The following PDE3A variants were observed in gnomAD, a reference collection of about 807,000 sequenced individuals.
PDE3A encodes cGMP-inhibited 3',5'-cyclic phosphodiesterase 3A.
In PDE3A, 43 loss-of-function variants were observed where a neutral mutation model predicts 98.3. The observed-to-expected ratio is 0.44, with a 90% confidence interval of 0.34 to 0.56. The LOEUF is 0.56. Ranked by LOEUF, PDE3A falls within the 20% of genes least tolerant of loss-of-function variation. The pLI is 0.01. For synonymous variants in PDE3A, 663 were observed against 567.9 expected (o/e 1.17, Z -2.38); for missense variants, 1,427 against 1,440.7 (o/e 0.99, Z 0.15).
At chr12:20,521,274 A>C (rs1946420223) in intron 1 of PDE3A, among the ~76,000 whole-genome samples, 1 of 152,042 alleles carries the variant, frequency 6.6e-6, no homozygotes, top group African/African-American at 2.4e-5. Flanking sequence ...AGGAACTTCT[A>C]CACAATCTAG....
intron 15 of PDE3A, among the ~76,000 whole-genome samples, chr12:20,677,569 C>T (rs1945673574): frequency 2.0e-5 from 3 of 152,090 alleles, no homozygotes; most frequent in Non-Finnish European, 4.4e-5. Context: ...AAGCAATTCT[C>T]CTGCCTCAGC....
At position 20,646,818 on chromosome 12, in the gene PDE3A, T is replaced by A. The variant is rs766413456; in HGVS notation, c.2433T>A (p.Asp811Glu). Residue 811 changes from aspartate (D) to glutamate (E), a missense_variant, in exon 12 of 16, where the codon GAT becomes GAA. Physicochemically the swap from Asp to Glu is conservative, Grantham distance 45. Around this residue, in one of 3 missense-constraint regions of PDE3A, gnomAD observed 273 missense variants for 420.3 expected, o/e 0.65. Coordinates refer to ENST00000359062, the MANE Select transcript of PDE3A (RefSeq NM_000921.5). ...TCTCAAAAACGTATAATGTGACAGA[T>A]GATAAATACGGATGTCTGTCTGGGA... The part of the protein sequence containing the change: ...YVFSKTYNVT[D>E]DKYGCLSGNI... 3.7e-6 allele frequency: 6 copies of A among 1,611,124 alleles called. No homozygotes were observed. In the East Asian group the frequency reaches 1.1e-4, roughly 30 times the overall value.
At chr12:20,581,384 C>T (rs1401295018) in intron 2 of PDE3A, among the ~76,000 whole-genome samples, 1 of 152,054 alleles carries the variant, frequency 6.6e-6, no homozygotes, top group African/African-American at 2.4e-5. Flanking sequence ...AATATTGATA[C>T]AGGTAGTGGT....
chr12:20,372,266 G>A (rs1943489280), intron 1 of PDE3A, among the ~76,000 whole-genome samples: 1 of 152,030 alleles, frequency 6.6e-6, no homozygotes, highest in African/African-American at 2.4e-5. Context: ...ATCTATTTCT[G>A]TAATTTTCTT....
chr12:20,441,195 T>C (rs1027844751), intron 1 of PDE3A, among the ~76,000 whole-genome samples: 1 of 152,114 alleles, frequency 6.6e-6, no homozygotes, highest in African/African-American at 2.4e-5. Context: ...ATGAAGCAAT[T>C]AGAAACTGTG....
At chr12:20,668,794 A>C (rs1397796846) in intron 15 of PDE3A, among the ~76,000 whole-genome samples, 3 of 151,752 alleles carry the variant, frequency 2.0e-5, no homozygotes, top group Admixed American at 6.6e-5. Flanking sequence ...CAGAGCACCA[A>C]TCCTCCTCCA....
intron 1 of PDE3A, among the ~76,000 whole-genome samples, chr12:20,492,659 G>C (rs754393566): frequency 6.6e-6 from 1 of 152,176 alleles, no homozygotes; most frequent in Non-Finnish European, 1.5e-5. Context: ...GCTATGGGTA[G>C]AGAAATGCAG....
intron 15 of PDE3A, among the ~76,000 whole-genome samples, chr12:20,662,657 G>A (rs531834756): frequency 1.1e-3 from 171 of 152,300 alleles, no homozygotes; most frequent in Admixed American, 2.4e-3. Flanking sequence ...CACTCAAGAG[G>A]TGACTTTGGT....
chr12:20,509,034 TTC>T (rs1946169499), intron 1 of PDE3A, among the ~76,000 whole-genome samples: 1 of 152,116 alleles, frequency 6.6e-6, no homozygotes, highest in Admixed American at 6.6e-5. Flanking sequence ...AACATGTGTA[TTC>T]TGTTACCGTA....
chr12:20,478,569 A>G (rs1945568692), intron 1 of PDE3A, among the ~76,000 whole-genome samples: 1 of 152,176 alleles, frequency 6.6e-6, no homozygotes, highest in African/African-American at 2.4e-5. Flanking sequence ...AAGACTCAAT[A>G]AATATTGGAT....
intron 1 of PDE3A, among the ~76,000 whole-genome samples, chr12:20,504,262 A>G (rs1033983477): frequency 2.0e-5 from 3 of 152,042 alleles, no homozygotes; most frequent in African/African-American, 7.2e-5. Context: ...ACAGAAGCCA[A>G]TTCATATATG....
chr12:20,639,712 A>G (rs1367770082), intron 9 of PDE3A, 134 bp from the exon 10 acceptor site: 1 of 517,628 alleles, frequency 1.9e-6, no homozygotes, highest in African/African-American at 1.9e-5. Flanking sequence ...TAACCAACTT[A>G]AAAGGACACC....
chr12:20,431,033 T>G (rs1410177490), intron 1 of PDE3A, among the ~76,000 whole-genome samples: 1 of 152,162 alleles, frequency 6.6e-6, no homozygotes, highest in Non-Finnish European at 1.5e-5. Flanking sequence ...AAATCTCTAT[T>G]CTATCCACCT....
chr12:20,629,471 T>C (rs1466945445), intron 5 of PDE3A, among the ~76,000 whole-genome samples: 2 of 152,220 alleles, frequency 1.3e-5, no homozygotes, highest in Admixed American at 6.5e-5. Context: ...CCTGCTGAAC[T>C]CTGCCCCCAG....
intron 2 of PDE3A, among the ~76,000 whole-genome samples, chr12:20,608,263 T>C (rs990772797): frequency 1.3e-5 from 2 of 152,182 alleles, no homozygotes; most frequent in Non-Finnish European, 2.9e-5. Flanking sequence ...CTTTAGTTAT[T>C]TGAGCAAAAA....
At chr12:20,524,556 T>G (rs1946482382) in intron 1 of PDE3A, among the ~76,000 whole-genome samples, 1 of 152,122 alleles carries the variant, frequency 6.6e-6, no homozygotes, top group Non-Finnish European at 1.5e-5. Context: ...TTTATTTAAA[T>G]TTTTAAATTG....
At chr12:20,464,097 G>T (rs1466318637) in intron 1 of PDE3A, among the ~76,000 whole-genome samples, 1 of 152,008 alleles carries the variant, frequency 6.6e-6, no homozygotes, top group Non-Finnish European at 1.5e-5. Flanking sequence ...ATTTTATGTT[G>T]TAATCATTAT....
chr12:20,483,197 T>C (rs2121013041), intron 1 of PDE3A, among the ~76,000 whole-genome samples: 1 of 152,198 alleles, frequency 6.6e-6, no homozygotes, highest in South Asian at 2.1e-4. Context: ...GGGACCATCC[T>C]GGCCAAAATG....
chr12:20,477,700 A>G (rs181562303), intron 1 of PDE3A, among the ~76,000 whole-genome samples: 19 of 152,342 alleles, frequency 1.2e-4, no homozygotes, highest in Non-Finnish European at 2.8e-4. Flanking sequence ...ACTATCATGT[A>G]TAAGACGAAG....
Sources: gnomAD v4.1 joint callset for allele counts (sites outside exome capture counted in the v4.1 genomes callset) on GRCh38, gnomAD v4.1.1 for gene constraint, gnomAD v4.1.1 regional missense constraint, MANE v1.5 for transcripts, NCBI Gene and HGNC (gene_info 2026-07-23, HGNC 2026-07-21) for gene names.